Variants in RAB27B observed in about 807,000 individuals in gnomAD.
The protein encoded by RAB27B is RAB27B, member RAS oncogene family.
A neutral mutation model predicts 24.6 loss-of-function variants in RAB27B; 15 were observed. The ratio of observed to expected loss-of-function variants is 0.61; its 90% CI spans 0.41 to 0.94. RAB27B has a LOEUF of 0.94. Among genes scored for constraint, RAB27B ranks in the 40% least tolerant of loss-of-function variants. The probability of loss-of-function intolerance (pLI) is 0.00; values close to 1 mark genes in which losing one functional copy is unlikely to be tolerated. For missense variants in RAB27B, 261 were observed against 266.8 expected, an observed-to-expected ratio of 0.98 and a Z score of 0.15; for synonymous variants, 105 against 92.5, an observed-to-expected ratio of 1.14 and a Z score of -0.78.
At chr18:54,767,116 G>A (rs905508298) in intron 2 of RAB27B, among the ~76,000 whole-genome samples, 1 of 152,110 alleles carries the variant, frequency 6.6e-6, no homozygotes, top group Non-Finnish European at 1.5e-5. Context: ...GTTTTACCAC[G>A]CTGGGAACCA....
At chr18:54,736,214 T>A (rs1909887774) in intron 2 of RAB27B, among the ~76,000 whole-genome samples, 1 of 152,164 alleles carries the variant, frequency 6.6e-6, no homozygotes, top group Admixed American at 6.6e-5. Flanking sequence ...TTTTGCTTCA[T>A]GTAGAATTTT....
intron 2 of RAB27B, among the ~76,000 whole-genome samples, chr18:54,781,567 A>G (rs1343877584): frequency 6.6e-6 from 1 of 152,026 alleles, no homozygotes; most frequent in Admixed American, 6.6e-5. Context: ...TTTGCTTCTT[A>G]AACTTTCAAT....
intron 2 of RAB27B, among the ~76,000 whole-genome samples, chr18:54,819,919 CT>C (rs147465652): frequency 0.042 from 6,344 of 152,070 alleles, 164 homozygotes; most frequent in Middle Eastern, 0.13. Context: ...TAGTTTCCAG[CT>C]TCATCCATGT....
At chr18:54,726,888 A>G (rs913647339) in intron 2 of RAB27B, among the ~76,000 whole-genome samples, 13 of 143,916 alleles carry the variant, frequency 9.0e-5, no homozygotes, top group African/African-American at 3.2e-4. Flanking sequence ...GCAAGGATAC[A>G]GCAGAATAAA....
chr18:54,886,423 G>A (rs1955004), intron 4 of RAB27B, among the ~76,000 whole-genome samples: 141,813 of 152,084 alleles, frequency 0.93, 66,890 homozygotes, highest in Non-Finnish European at 1. Context: ...TACATATTAT[G>A]CAAAATTGAT....
intron 3 of RAB27B, among the ~76,000 whole-genome samples, chr18:54,883,428 G>A (rs543925018): frequency 3.3e-4 from 50 of 152,258 alleles, no homozygotes; most frequent in Admixed American, 7.8e-4. Context: ...GATAGGAAGC[G>A]ATATCTCTAG....
upstream of RAB27B, among the ~76,000 whole-genome samples, chr18:54,825,539 CATCT>C (rs762052556): frequency 3.0e-4 from 45 of 152,214 alleles, no homozygotes; most frequent in Non-Finnish European, 5.6e-4. Context: ...TCTTCTAACC[CATCT>C]GTCAGTTTTT....
chr18:54,785,894 C>A lies in RAB27B; in HGVS notation c.-20+67753C>A, dbSNP rs184582078. On this transcript the variant is annotated intron_variant, in intron 2 of 4. Transcript: ENST00000586570. Reference sequence around the variant, plus strand: ...ACCAATACATAAAGATTCTTCTTATCTTTCAGTTGTGACTATAGAGGCCCA... The same window carrying A: ...ACCAATACATAAAGATTCTTCTTATATTTCAGTTGTGACTATAGAGGCCCA... Among the ~76,000 whole-genome samples the A allele has an allele frequency of 2.6e-4, 40 of 152,268 alleles. 1 individual carries two copies. The highest frequency in any genetic ancestry group is 2.4e-3 in the Admixed American group (37 of 15,300).
intron 1 of RAB27B, among the ~76,000 whole-genome samples, chr18:54,866,240 A>G (rs1912216203): frequency 6.6e-6 from 1 of 151,990 alleles, no homozygotes; most frequent in South Asian, 2.1e-4. Flanking sequence ...TGTGACTCTC[A>G]GGGGATCCTG....
rs551746726 is a variant in RAB27B at position 54,875,324 on chromosome 18, C to T, written c.-19-2243C>T. ...CCTAGATGACAGAGTGAGATCCTGT[C>T]TTCTCCAAAAACAAATTTTTTTTTG... On this transcript the variant is annotated intron_variant, in intron 1 of 5. Coordinates refer to ENST00000262094, the MANE Select transcript of RAB27B (RefSeq NM_004163.4). Among the ~76,000 whole-genome samples the T allele has an allele frequency of 7.9e-5, 12 of 152,252 alleles. No individual in the cohort carries two copies. In the South Asian group the frequency reaches 8.3e-4, roughly 11 times the overall value.
chr18:54,888,563 T>C (rs1913239361), intron 5 of RAB27B, among the ~76,000 whole-genome samples: 2 of 151,826 alleles, frequency 1.3e-5, no homozygotes, highest in African/African-American at 2.4e-5. Context: ...AAATAATCCC[T>C]GACAAGGGTA....
intron 2 of RAB27B, among the ~76,000 whole-genome samples, chr18:54,797,945 C>T: frequency 6.6e-6 from 1 of 152,138 alleles, no homozygotes; most frequent in East Asian, 1.9e-4. Context: ...TGTTTTTATT[C>T]TTTAAGTATT....
At chr18:54,799,574 A>G (rs887333479) in intron 2 of RAB27B, among the ~76,000 whole-genome samples, 3 of 151,426 alleles carry the variant, frequency 2.0e-5, no homozygotes, top group Admixed American at 6.6e-5. Flanking sequence ...TATACTTGCA[A>G]TATATACAGG....
At chr18:54,753,085 T>C (rs1907888089) in intron 2 of RAB27B, among the ~76,000 whole-genome samples, 1 of 152,100 alleles carries the variant, frequency 6.6e-6, no homozygotes, top group Non-Finnish European at 1.5e-5. Context: ...TTAACATTGA[T>C]TTGAGGTGCC....
At chr18:54,835,573 G>GA (rs1204411562) in intron 1 of RAB27B, among the ~76,000 whole-genome samples, 2 of 151,862 alleles carry the variant, frequency 1.3e-5, no homozygotes, top group Non-Finnish European at 2.9e-5. Flanking sequence ...TACGTTACAG[G>GA]AAAAAATTGC....
chr18:54,781,153 A>C (rs1323541703), intron 2 of RAB27B, among the ~76,000 whole-genome samples: 1 of 152,022 alleles, frequency 6.6e-6, no homozygotes, highest in African/African-American at 2.4e-5. Flanking sequence ...CCTACTCACC[A>C]AGCAGGAAGC....
At chr18:54,767,543 C>G (rs567419134) in intron 2 of RAB27B, among the ~76,000 whole-genome samples, 2 of 152,258 alleles carry the variant, frequency 1.3e-5, no homozygotes, top group African/African-American at 2.4e-5. Flanking sequence ...CTCTTTGTAT[C>G]AAGGTGTTCA....
upstream of RAB27B, among the ~76,000 whole-genome samples, chr18:54,827,304 G>A (rs974540614): frequency 3.3e-5 from 5 of 152,152 alleles, no homozygotes; most frequent in Admixed American, 6.5e-5. Context: ...TGCCAGGCAC[G>A]TTCTACACAC....
Position 54,739,571 on chromosome 18 carries a change from A to G in RAB27B, c.-20+21430A>G, listed in dbSNP as rs1370710040. Reference sequence around the variant, plus strand: ...TTCTTTCTTTTTTTTTTTTGCTGCTATGAATAAAGTTGCTATGACCTTTGA... The same window carrying G: ...TTCTTTCTTTTTTTTTTTTGCTGCTGTGAATAAAGTTGCTATGACCTTTGA... On this transcript the variant is annotated intron_variant, in intron 2 of 4. Transcript: ENST00000586570. Among the ~76,000 whole-genome samples, 4 of 95,888 alleles carry G rather than the reference A, an allele frequency of 4.2e-5. No homozygotes were observed. The Admixed American group carries it at 4.2e-4, about 10-fold the overall frequency. The allele number at this position is 95,888 out of a possible 152,430, so 62.9% of individuals were successfully genotyped here. A position where few individuals can be genotyped will look rare whatever the true frequency, so the allele number is the denominator to read the frequency against.
Sources: gnomAD v4.1 joint callset for allele counts (sites outside exome capture counted in the v4.1 genomes callset) on GRCh38, gnomAD v4.1.1 for gene constraint, MANE v1.5 for transcripts, NCBI Gene and HGNC (gene_info 2026-07-23, HGNC 2026-07-21) for gene names.